The following C1orf185 variants were observed in gnomAD, a reference collection of about 807,000 sequenced individuals.
C1orf185 encodes the protein uncharacterized protein C1orf185.
In C1orf185, 13 loss-of-function variants were observed where a neutral mutation model predicts 16.1. The ratio of observed to expected loss-of-function variants is 0.81; its 90% CI spans 0.53 to 1.28. The LOEUF is 1.28. Among genes scored for constraint, C1orf185 ranks in the 50% most tolerant of loss-of-function variants. The pLI is 0.00. For synonymous variants in C1orf185, 80 were observed against 76.9 expected (o/e 1.04, Z -0.21); for missense variants, 220 against 225.2 (o/e 0.98, Z 0.15).
chr1:51,145,888 T>C (rs927566305), intron 4 of C1orf185, 128 bp downstream of exon 4: 2 of 431,798 alleles, frequency 4.6e-6, no homozygotes, highest in African/African-American at 4.1e-5. Flanking sequence ...AAGGGAAACA[T>C]TAATTTATTA....
intron 1 of C1orf185, among the ~76,000 whole-genome samples, chr1:51,102,755 CT>C (rs1646041219): frequency 6.6e-6 from 1 of 151,418 alleles, no homozygotes; most frequent in Non-Finnish European, 1.5e-5. Context: ...TATTTTCTTC[CT>C]CTACTTTCTT....
chr1:51,127,164 A>G (rs1557648471), intron 3 of C1orf185, among the ~76,000 whole-genome samples: 2 of 152,220 alleles, frequency 1.3e-5, no homozygotes, highest in Admixed American at 6.5e-5. Flanking sequence ...TGACAGCTGT[A>G]TATACATTCA....
intron 3 of C1orf185, among the ~76,000 whole-genome samples, chr1:51,121,073 C>T (rs529351815): frequency 2.0e-4 from 31 of 152,098 alleles, no homozygotes; most frequent in Non-Finnish European, 3.8e-4. Flanking sequence ...TTAGTTAACA[C>T]GTGTGTTATC....
intron 3 of C1orf185, among the ~76,000 whole-genome samples, chr1:51,121,884 A>G (rs1342711688): frequency 6.6e-6 from 1 of 152,142 alleles, no homozygotes; most frequent in Non-Finnish European, 1.5e-5. Flanking sequence ...TCTGAGTCTT[A>G]TATATCTGTC....
intron 3 of C1orf185, among the ~76,000 whole-genome samples, chr1:51,130,960 C>T (rs962636118): frequency 6.6e-5 from 10 of 152,018 alleles, no homozygotes; most frequent in Non-Finnish European, 1.0e-4. Context: ...TGGAGTGCAG[C>T]GGCGCTATCT....
intron 1 of C1orf185, among the ~76,000 whole-genome samples, chr1:51,103,503 A>G (rs1163007018): frequency 6.9e-6 from 1 of 145,938 alleles, no homozygotes; most frequent in Non-Finnish European, 1.5e-5. Context: ...GCCTGATATT[A>G]TTATATGCAT....
chr1:51,126,982 TA>T (rs1646245039), intron 3 of C1orf185, among the ~76,000 whole-genome samples: 1 of 151,630 alleles, frequency 6.6e-6, no homozygotes, highest in Non-Finnish European at 1.5e-5. Context: ...GGGGTTTGTT[TA>T]TTTTTTTTTT....
rs150528080 is a variant in C1orf185 at position 51,125,363 on chromosome 1, C to T, written c.258+6562C>T. ...AGGACTTATAAGAAACAGGCTTAAT[C>T]CTGGACATATATCCAGCTAGTGATT... On this transcript the variant is annotated intron_variant, in intron 3 of 4. Coordinates refer to ENST00000371759, the MANE Select transcript of C1orf185 (RefSeq NM_001136508.2). Among the ~76,000 whole-genome samples the T allele has an allele frequency of 6.9e-3, 1,050 of 152,268 alleles. 5 individuals are homozygous for T. Among genetic ancestry groups the T allele is most frequent in the Middle Eastern group, 0.014 (4 of 294 alleles).
chr1:51,106,054 C>T (rs1334445658), intron 1 of C1orf185, among the ~76,000 whole-genome samples: 3 of 151,938 alleles, frequency 2.0e-5, no homozygotes, highest in South Asian at 2.1e-4. Flanking sequence ...TATTTTCTGT[C>T]GTAATAGAGA....
chr1:51,149,723 A>T (rs1385501145), downstream of C1orf185, among the ~76,000 whole-genome samples: 3 of 152,134 alleles, frequency 2.0e-5, no homozygotes, highest in African/African-American at 7.2e-5. Flanking sequence ...TTAGGAAGGA[A>T]AAAAAAACCA....
At chr1:51,138,636 C>T (rs536423426) in intron 3 of C1orf185, among the ~76,000 whole-genome samples, 2 of 152,006 alleles carry the variant, frequency 1.3e-5, no homozygotes, top group East Asian at 3.9e-4. Context: ...TCATGATCCA[C>T]CTGCCTTCAC....
At chr1:51,125,862 T>C (rs989406129) in intron 3 of C1orf185, among the ~76,000 whole-genome samples, 4 of 152,114 alleles carry the variant, frequency 2.6e-5, no homozygotes, top group African/African-American at 9.7e-5. Flanking sequence ...AAATTTGTAC[T>C]TCAGCAAAAC....
intron 3 of C1orf185, among the ~76,000 whole-genome samples, chr1:51,126,742 A>G (rs1366431158): frequency 6.6e-6 from 1 of 152,228 alleles, no homozygotes; most frequent in Admixed American, 6.5e-5. Context: ...TGTCAAAACT[A>G]AGAAACCAAC....
rs35232347 is a variant in C1orf185, at chr1:51,111,370, C to CTTTTTTTTT, written c.17-1091_17-1090insTTTTTTTTT. Among the ~76,000 whole-genome samples, 148 of 114,350 alleles carry CTTTTTTTTT rather than the reference C, an allele frequency of 1.3e-3. 5 individuals carry two copies. The highest frequency in any genetic ancestry group is 4.4e-3 in the African/African-American group (120 of 27,308). The allele number at this position is 114,350 out of a possible 152,430, so 75.0% of individuals were successfully genotyped here. Reference sequence around the variant, plus strand: ...ATATTGCTTTCATTTAGCTTTCTTTCTTTCTTTTTTTTTTTTTTTGAGAGA... The same window carrying CTTTTTTTTT: ...ATATTGCTTTCATTTAGCTTTCTTTCTTTTTTTTTTTTCTTTTTTTTTTTTTTTGAGAGA... On this transcript the variant is annotated intron_variant, in intron 1 of 4. Transcript: ENST00000371759.
intron 1 of C1orf185, among the ~76,000 whole-genome samples, chr1:51,111,058 T>G (rs1249772642): frequency 1.3e-5 from 2 of 152,210 alleles, no homozygotes; most frequent in Admixed American, 1.3e-4. Context: ...TACGGTTTAC[T>G]TTATGCAGCT....
intron 3 of C1orf185, among the ~76,000 whole-genome samples, chr1:51,136,738 T>G (rs1355958402): frequency 1.3e-5 from 2 of 152,126 alleles, no homozygotes; most frequent in African/African-American, 4.8e-5. Context: ...CCTTATATCA[T>G]GTACAAAAAT....
At chr1:51,149,195 AC>A (rs1333373212), downstream of C1orf185, among the ~76,000 whole-genome samples, 5 of 152,130 alleles carry the variant, frequency 3.3e-5, no homozygotes, top group African/African-American at 4.8e-5. Context: ...TTGGGAAAAA[AC>A]GACTCATTAA....
At chr1:51,148,917 G>A (rs1282700204), downstream of C1orf185, among the ~76,000 whole-genome samples, 1 of 152,150 alleles carries the variant, frequency 6.6e-6, no homozygotes, top group Non-Finnish European at 1.5e-5. Context: ...GCAACAAAGT[G>A]AGACCCTGTC....
At chr1:51,151,855 A>AT (rs1646430698), downstream of C1orf185, among the ~76,000 whole-genome samples, 2 of 151,376 alleles carry the variant, frequency 1.3e-5, no homozygotes, top group African/African-American at 2.4e-5. Context: ...CACCTGGATA[A>AT]TTTTTTTGTA....
Sources: gnomAD v4.1 joint callset for allele counts (sites outside exome capture counted in the v4.1 genomes callset) on GRCh38, gnomAD v4.1.1 for gene constraint, MANE v1.5 for transcripts, NCBI Gene and HGNC (gene_info 2026-07-23, HGNC 2026-07-21) for gene names.